Variants in LRPPRC observed in about 807,000 individuals in gnomAD.
The protein encoded by LRPPRC is leucine-rich PPR motif-containing protein, mitochondrial.
In LRPPRC, 120 loss-of-function variants were observed where a neutral mutation model predicts 180.3. That is an observed-to-expected ratio of 0.67 (90% confidence interval 0.57 to 0.77). The LOEUF is 0.77. LRPPRC is among the 30% of genes least tolerant of loss of function. The pLI, the probability that LRPPRC is intolerant of heterozygous loss-of-function variation, is 0.00. For missense variants in LRPPRC, 2,012 were observed against 1,657.2 expected, an observed-to-expected ratio of 1.21 and a Z score of -3.72; for synonymous variants, 723 against 600.0, an observed-to-expected ratio of 1.21 and a Z score of -3.00.
chr2:43,894,588 T>G lies in LRPPRC; in HGVS notation c.3942A>C (p.Leu1314Phe). The G allele has an allele frequency of 6.3e-7, 1 of 1,582,218 alleles. No individual in the cohort carries two copies. Among genetic ancestry groups the G allele is most frequent in the Non-Finnish European group, 8.7e-7 (1 of 1,151,282 alleles). ...AATTGTATGCTTCTTCCTTTTCATT[T>G]AATTCAGGAATCAATTCTAACACAG... is the stretch of plus-strand genomic sequence containing the variant. Reference protein sequence around the residue: ...VKSVLELIPELNEKEEAYNSL... With the variant: ...VKSVLELIPEFNEKEEAYNSL... Residue 1314 changes from leucine to phenylalanine, a missense_variant, in exon 36 of 38, where the codon TTA (leucine) becomes TTC (phenylalanine). Leu to Phe is a conservative substitution (Grantham distance 22). Coordinates refer to ENST00000260665, the MANE Select transcript of LRPPRC (RefSeq NM_133259.4).
chr2:43,945,650 C>T (rs1485657944), intron 21 of LRPPRC, among the ~76,000 whole-genome samples: 1 of 152,108 alleles, frequency 6.6e-6, no homozygotes, highest in African/African-American at 2.4e-5. Context: ...ATCACTCCAT[C>T]TGCAAAGGAT....
intron 27 of LRPPRC, among the ~76,000 whole-genome samples, chr2:43,921,057 C>T (rs915729463): frequency 2.6e-5 from 4 of 152,072 alleles, no homozygotes; most frequent in East Asian, 1.9e-4. Context: ...TTTGGGAAGA[C>T]GAGGTAGGCA....
chr2:43,947,853 G>GT (rs1369413312), intron 18 of LRPPRC, 78 bp from the exon 19 acceptor site: 3 of 934,450 alleles, frequency 3.2e-6, no homozygotes, highest in Non-Finnish European at 5.3e-6. Context: ...AAGCAAATTT[G>GT]TAAGTCTCAC....
At chr2:43,957,800 A>C (rs1208505430) in intron 13 of LRPPRC, among the ~76,000 whole-genome samples, 1 of 152,126 alleles carries the variant, frequency 6.6e-6, no homozygotes, top group Non-Finnish European at 1.5e-5. Flanking sequence ...ATGAAGAGAG[A>C]GACTGTAATA....
At chr2:43,949,682 C>G in intron 15 of LRPPRC, 23 bp from the exon 16 acceptor site, 2 of 1,552,504 alleles carry the variant, frequency 1.3e-6, no homozygotes, top group Non-Finnish European at 1.8e-6. Flanking sequence ...AAAATTCGTG[C>G]ATTGCAGCAA....
chr2:43,979,295 C>T (rs1401474713), intron 3 of LRPPRC, among the ~76,000 whole-genome samples: 2 of 152,082 alleles, frequency 1.3e-5, no homozygotes, highest in Non-Finnish European at 2.9e-5. Flanking sequence ...TACTGGTCTA[C>T]ACCTTAATTT....
intron 11 of LRPPRC, among the ~76,000 whole-genome samples, chr2:43,965,350 C>T (rs902532027): frequency 1.3e-5 from 2 of 152,078 alleles, no homozygotes; most frequent in African/African-American, 4.8e-5. Flanking sequence ...TGAGCCACCA[C>T]GCCCAGCCTG....
intron 3 of LRPPRC, among the ~76,000 whole-genome samples, chr2:43,978,411 C>T (rs369359995): frequency 6.6e-6 from 1 of 152,028 alleles, no homozygotes; most frequent in East Asian, 1.9e-4. Flanking sequence ...ACAGGAGAGA[C>T]CTATCTGTAA....
intron 23 of LRPPRC, among the ~76,000 whole-genome samples, chr2:43,939,679 T>C (rs1173793664): frequency 1.3e-5 from 2 of 152,208 alleles, no homozygotes; most frequent in Non-Finnish European, 2.9e-5. Flanking sequence ...TCATCATCTA[T>C]AAATGAGGAA....
At chr2:43,935,368 A>G (rs1672239838) in intron 23 of LRPPRC, among the ~76,000 whole-genome samples, 1 of 152,220 alleles carries the variant, frequency 6.6e-6, no homozygotes, top group East Asian at 1.9e-4. Context: ...GAACTTTTTC[A>G]TCTTTATCAT....
intron 13 of LRPPRC, 88 bp downstream of exon 13, chr2:43,960,453 T>C: frequency 1.3e-6 from 1 of 793,310 alleles, no homozygotes. Context: ...AAACCTTCCT[T>C]GCTTTCATTG....
At chr2:43,974,470 T>G in intron 8 of LRPPRC, 144 bp downstream of exon 8, 2 of 799,176 alleles carry the variant, frequency 2.5e-6, no homozygotes, top group South Asian at 1.6e-5. Flanking sequence ...CATTAACTCA[T>G]GTTTTTGGGC....
intron 2 of LRPPRC, 76 bp from the exon 3 acceptor site, chr2:43,980,024 A>G (rs940213366): frequency 1.2e-5 from 17 of 1,419,212 alleles, no homozygotes; most frequent in Non-Finnish European, 1.7e-5. Flanking sequence ...ATTTAAACAG[A>G]AATCTATAAG....
Position 43,946,189 on chromosome 2 carries a change from C to T in LRPPRC, c.2134G>A (p.Gly712Ser). Residue 712 changes from glycine to serine, a missense_variant, in exon 21 of 38, where the codon GGT becomes AGT. Coordinates refer to ENST00000260665, the MANE Select transcript of LRPPRC (RefSeq NM_133259.4). ...AAATTTATTAAAGCTGCATAGCCACCAGTAACCATGTCGGATTCATATTTT... is the reference window on the plus strand; with the variant it reads ...AAATTTATTAAAGCTGCATAGCCACTAGTAACCATGTCGGATTCATATTTT... ...KAKYESDMVT[G>S]GYAALINLCC... 1 of 1,610,858 alleles carries T rather than the reference C, an allele frequency of 6.2e-7. No homozygotes were observed. Among genetic ancestry groups the T allele is most frequent in the African/African-American group, 1.3e-5 (1 of 74,904 alleles).
At chr2:43,961,361 GA>G (rs1673339258) in intron 12 of LRPPRC, among the ~76,000 whole-genome samples, 1 of 152,144 alleles carries the variant, frequency 6.6e-6, no homozygotes, top group African/African-American at 2.4e-5. Context: ...TTTTTAAAAG[GA>G]AAATAAGAAT....
intron 30 of LRPPRC, among the ~76,000 whole-genome samples, chr2:43,911,149 G>T (rs1459900276): frequency 6.8e-6 from 1 of 146,242 alleles, no homozygotes; most frequent in African/African-American, 2.5e-5. Context: ...GAGTGTTCTA[G>T]ATATATATAT....
In LRPPRC at chr2:43,939,099, C is replaced by T. The variant is rs111480945; in HGVS notation, c.2505-4221G>A. 6.4e-3 allele frequency among the ~76,000 whole-genome samples: 916 copies of T among 143,060 alleles called. 9 individuals are homozygous for T. Among genetic ancestry groups the T allele is most frequent in the Middle Eastern group, 0.042 (12 of 284 alleles). The allele number at this position is 143,060 out of a possible 152,430, so 93.9% of individuals were successfully genotyped here. ...CATCCTGGCTAACATGGTGAAACCC[C>T]GTCTCCACTAAAAATACAAAAAAAA... On this transcript the variant is annotated intron_variant, in intron 23 of 37. Coordinates refer to ENST00000260665, the MANE Select transcript of LRPPRC (RefSeq NM_133259.4).
intron 27 of LRPPRC, among the ~76,000 whole-genome samples, chr2:43,921,871 A>G (rs1483412479): frequency 6.6e-6 from 1 of 152,244 alleles, no homozygotes; most frequent in Non-Finnish European, 1.5e-5. Flanking sequence ...TGCTGAGGTT[A>G]TACATACTTT....
chr2:43,962,303 C>T (rs2103667932), intron 12 of LRPPRC, among the ~76,000 whole-genome samples: 1 of 152,136 alleles, frequency 6.6e-6, no homozygotes, highest in Admixed American at 6.5e-5. Context: ...ATAGTACAGG[C>T]TCAACATACT....
Sources: gnomAD v4.1 joint callset for allele counts (sites outside exome capture counted in the v4.1 genomes callset) on GRCh38, gnomAD v4.1.1 for gene constraint, MANE v1.5 for transcripts, NCBI Gene and HGNC (gene_info 2026-07-23, HGNC 2026-07-21) for gene names.